The following LORICRIN variants were observed in gnomAD, a reference collection of about 807,000 sequenced individuals.
LORICRIN encodes loricrin cornified envelope precursor protein.
Under a neutral mutation model 3.3 loss-of-function variants are expected in LORICRIN, and 5 were observed. The ratio of observed to expected loss-of-function variants is 1.52; its 90% CI spans 0.79 to 3.19. LORICRIN has a LOEUF of 3.19. Among genes scored for constraint, LORICRIN ranks in the 30% most tolerant of loss-of-function variants. The probability of loss-of-function intolerance (pLI) is 0.00; values close to 1 mark genes in which losing one functional copy is unlikely to be tolerated. For missense variants in LORICRIN, 524 were observed against 460.2 expected, an observed-to-expected ratio of 1.14 and a Z score of -1.27; for synonymous variants, 237 against 231.4, an observed-to-expected ratio of 1.02 and a Z score of -0.22.
At position 153,262,111 on chromosome 1, in the gene LORICRIN, C is replaced by G. The variant is rs1227660555; in HGVS notation, c.*223C>G. 6 of 615,340 alleles carry G rather than the reference C, an allele frequency of 9.8e-6. No individual in the cohort carries two copies. The highest frequency in any genetic ancestry group is 1.8e-5 in the Non-Finnish European group (6 of 339,256). The allele number at this position is 615,340 out of a possible 1,614,324, so 38.1% of individuals were successfully genotyped here. A position where few individuals can be genotyped will look rare whatever the true frequency, so the allele number is the denominator to read the frequency against. ...CCCAGTGCCTCAGTCAATAAATTTG[C>G]AAATTCATGAGAATTTTTAGGTCTC... On this transcript the variant is annotated 3_prime_UTR_variant, in exon 2 of 2. Transcript: ENST00000368742.
In LORICRIN at chr1:153,260,908, C is replaced by A. The variant is rs546620484; in HGVS notation, c.-23-19C>A. ...TCCTCTTGCAGCTGGTCCAGCGATGCTCTCTTCTCCCCTTCCAGGCTCTCC... is the reference window on the plus strand; with the variant it reads ...TCCTCTTGCAGCTGGTCCAGCGATGATCTCTTCTCCCCTTCCAGGCTCTCC... On this transcript the variant is annotated intron_variant, in intron 1 of 1. Transcript: ENST00000368742. 1 of 1,514,302 alleles carries A rather than the reference C, an allele frequency of 6.6e-7. No homozygotes were observed. The highest frequency in any genetic ancestry group is 9.0e-7 in the Non-Finnish European group (1 of 1,106,976). 93.8% of individuals were successfully genotyped at this position (1,514,302 alleles called of 1,614,324 possible).
intron 1 of LORICRIN, among the ~76,000 whole-genome samples, chr1:153,260,074 C>T (rs1265118299): frequency 6.6e-6 from 1 of 152,116 alleles, no homozygotes; most frequent in South Asian, 2.1e-4. Context: ...ACCTTGTGAA[C>T]CTGTCAGGAG....
rs958535407 is a variant in LORICRIN, at chr1:153,261,394, G to T, written c.445G>T (p.Gly149Cys). The T allele has an allele frequency of 8.0e-6, 12 of 1,491,888 alleles. No individual in the cohort carries two copies. The Admixed American group carries it at 2.2e-4, about 27-fold the overall frequency. 92.4% of individuals were successfully genotyped at this position (1,491,888 alleles called of 1,614,324 possible). ...CTCCGGCTGCTTCTCCTCCGGCGGC[G>T]GCGGCTTCTCGGGCCAGGCGGTCCA... The part of the protein sequence containing the change: ...GGSGCFSSGG[G>C]GFSGQAVQCQ... Residue 149 changes from glycine (G) to cysteine (C), a missense_variant, in exon 2 of 2, where the codon GGC becomes TGC. Coordinates refer to ENST00000368742, the MANE Select transcript of LORICRIN (RefSeq NM_000427.3).
At chr1:153,260,534 T>C (rs1170255240) in intron 1 of LORICRIN, among the ~76,000 whole-genome samples, 1 of 152,178 alleles carries the variant, frequency 6.6e-6, no homozygotes, top group Non-Finnish European at 1.5e-5. Context: ...AGGTAGAGGT[T>C]TGTGGTAGTT....
chr1:153,261,009 T>TGGCGGCGGTGGCGGTGGCGGCGGC lies in LORICRIN; in HGVS notation c.61_84dup (p.Gly21_Gly28dup), dbSNP rs774064219. ...CCCCAGTGGACTGCGTGAAGACCTC[T>TGGCGGCGGTGGCGGTGGCGGCGGC]GGCGGCGGTGGCGGTGGCGGCGGCA... On this transcript the variant is annotated inframe_insertion, in exon 2 of 2. Transcript: ENST00000368742. 6.7e-6 allele frequency: 10 copies of TGGCGGCGGTGGCGGTGGCGGCGGC among 1,496,550 alleles called. No individual in the cohort carries two copies. The highest frequency in any genetic ancestry group is 8.2e-6 in the Non-Finnish European group (9 of 1,099,768). 92.7% of individuals were successfully genotyped at this position (1,496,550 alleles called of 1,614,324 possible). A position where few individuals can be genotyped will look rare whatever the true frequency, so the allele number is the denominator to read the frequency against.
intron 1 of LORICRIN, 57 bp from the exon 2 acceptor site, chr1:153,260,870 G>T: frequency 7.9e-7 from 1 of 1,267,886 alleles, no homozygotes. Flanking sequence ...GGATGCAGCT[G>T]CCTCCGTAAG....
At position 153,261,307 on chromosome 1, in the gene LORICRIN, G is replaced by A. The variant is rs1020727470; in HGVS notation, c.358G>A (p.Gly120Ser). ...CGGCTGCTTCTCCTCCGGTGGCGGC[G>A]GCTCCTCCGGGGGCGGCTCCGGCTG... ...GSGCFSSGGG[G>S]SSGGGSGCFS... Residue 120 changes from glycine (G) to serine (S), a missense_variant, in exon 2 of 2, where the codon GGC becomes AGC. Gly to Ser is a moderately conservative substitution (Grantham distance 56). Coordinates refer to ENST00000368742, the MANE Select transcript of LORICRIN (RefSeq NM_000427.3). 1.0e-5 allele frequency: 15 copies of A among 1,455,008 alleles called. No homozygotes were observed. In the Admixed American group the frequency reaches 3.1e-4, roughly 30 times the overall value. 90.1% of individuals were successfully genotyped at this position (1,455,008 alleles called of 1,614,324 possible).
Position 153,261,526 on chromosome 1 carries a change from G to A in LORICRIN, c.577G>A (p.Gly193Ser). The A allele has an allele frequency of 6.6e-7, 1 of 1,508,030 alleles. No individual in the cohort carries two copies. The highest frequency in any genetic ancestry group is 8.8e-7 in the Non-Finnish European group (1 of 1,133,824). 93.4% of individuals were successfully genotyped at this position (1,508,030 alleles called of 1,614,324 possible). Reference protein sequence around the residue: ...GGSVCGYSGGGSGCGGGSSGG... With the variant: ...GGSVCGYSGGSSGCGGGSSGG... ...CTCTGTCTGCGGCTACTCTGGCGGC[G>A]GCTCTGGCTGCGGCGGAGGCTCCTC... The change falls in exon 2 of 2, where the codon GGC (glycine) becomes AGC (serine). Residue 193 changes from glycine to serine, a missense_variant. Gly to Ser is a moderately conservative substitution (Grantham distance 56). Transcript: ENST00000368742.
At position 153,261,472 on chromosome 1, in the gene LORICRIN, G is replaced by C. The variant is rs1179107369; in HGVS notation, c.523G>C (p.Gly175Arg). The change falls in exon 2 of 2, where the codon GGC becomes CGC. Residue 175 changes from glycine (G) to arginine (R), a missense_variant. Gly to Arg is a moderately radical substitution (Grantham distance 125, BLOSUM62 -2). Coordinates refer to ENST00000368742, the MANE Select transcript of LORICRIN (RefSeq NM_000427.3). The stretch of plus-strand genomic sequence containing the variant: ...CGGCGGCTCCTCCGGGGGCGGCTCC[G>C]GCTGCTTCTCCAGCGGCGGGGGCGG... ...SSGGSSGGGS[G>R]CFSSGGGGGS... 1 of 1,493,784 alleles carries C rather than the reference G, an allele frequency of 6.7e-7. No homozygotes were observed. The highest frequency in any genetic ancestry group is 1.2e-5 in the South Asian group (1 of 80,574). 92.5% of individuals were successfully genotyped at this position (1,493,784 alleles called of 1,614,324 possible). A position where few individuals can be genotyped will look rare whatever the true frequency, so the allele number is the denominator to read the frequency against.
Position 153,261,173 on chromosome 1 carries a change from G to A in LORICRIN, c.224G>A (p.Gly75Asp). 7.5e-7 allele frequency: 1 copy of A among 1,338,134 alleles called. No individual in the cohort carries two copies. The allele number at this position is 1,338,134 out of a possible 1,614,324, so 82.9% of individuals were successfully genotyped here. A position where few individuals can be genotyped will look rare whatever the true frequency, so the allele number is the denominator to read the frequency against. ...GGGSSGGGGG[G>D]GIGGCGGGSG... is the part of the protein sequence containing the mutation. ...GGCTCCTCCGGCGGCGGGGGCGGGG[G>A]CGGCATTGGAGGCTGCGGAGGGGGC... Residue 75 changes from glycine (G) to aspartate (D), a missense_variant, in exon 2 of 2, where the codon GGC becomes GAC. Physicochemically the swap from Gly to Asp is moderately conservative, Grantham distance 94. Coordinates refer to ENST00000368742, the MANE Select transcript of LORICRIN (RefSeq NM_000427.3).
At position 153,262,054 on chromosome 1, in the gene LORICRIN, C is replaced by A; in HGVS notation, c.*166C>A. 3 of 794,898 alleles carry A rather than the reference C, an allele frequency of 3.8e-6. No homozygotes were observed. Among genetic ancestry groups the A allele is most frequent in the South Asian group, 1.6e-5 (1 of 61,648 alleles). The allele number at this position is 794,898 out of a possible 1,614,324, so 49.2% of individuals were successfully genotyped here. On this transcript the variant is annotated 3_prime_UTR_variant, in exon 2 of 2. Transcript: ENST00000368742. ...GGCTGCATCTAGTTCTGCTGTTTAGCCTCTTTGGTTTCTGTACAACTACCT... is the reference window on the plus strand; with the variant it reads ...GGCTGCATCTAGTTCTGCTGTTTAGACTCTTTGGTTTCTGTACAACTACCT...
chr1:153,261,719 C>A lies in LORICRIN; in HGVS notation c.770C>A (p.Ser257Tyr). The A allele has an allele frequency of 1.3e-6, 2 of 1,561,062 alleles. No homozygotes were observed. Among genetic ancestry groups the A allele is most frequent in the Middle Eastern group, 2.2e-4 (1 of 4,576 alleles). ...GGSSGCGGGS[S>Y]GIGSGCIISG... ...AGCTCCGGCTGCGGCGGCGGCTCCT[C>A]CGGGATTGGCAGCGGCTGCATCATC... The change falls in exon 2 of 2, where the codon TCC (serine) becomes TAC (tyrosine). Residue 257 changes from serine (S) to tyrosine (Y), a missense_variant. By Grantham distance (144) the Ser-to-Tyr change is moderately radical. Transcript: ENST00000368742.
rs1302787890 is a variant in LORICRIN, at chr1:153,261,069, C to T, written c.120C>T (p.Gly40=). Residue 40 remains glycine, a synonymous_variant, in exon 2 of 2, where the codon GGC becomes GGT. Coordinates refer to ENST00000368742, the MANE Select transcript of LORICRIN (RefSeq NM_000427.3). ...GTGGCTGCGGCTTCTTCGGCGGCGG[C>T]GGCTCAGGGGGCGGTAGCAGCGGTT... ...GGGGCGFFGG[G]GSGGGSSGSG... is the part of the protein sequence containing the mutation. 2.0e-6 allele frequency: 3 copies of T among 1,514,956 alleles called. No homozygotes were observed. The highest frequency in any genetic ancestry group is 2.7e-6 in the Non-Finnish European group (3 of 1,127,380). 93.8% of individuals were successfully genotyped at this position (1,514,956 alleles called of 1,614,324 possible).
rs1415621520 is a variant in LORICRIN, at chr1:153,261,651, C to CAGCGGCGGA, written c.709_717dup (p.Gly237_Gly239dup). ...GAGGGGGGTCGTCCGGCGGCGGCGG[C>CAGCGGCGGA]AGCGGCGGAAGCGGCTGCTTCTCCA... On this transcript the variant is annotated inframe_insertion, in exon 2 of 2. Transcript: ENST00000368742. The CAGCGGCGGA allele has an allele frequency of 8.0e-5, 122 of 1,517,152 alleles. 1 individual carries two copies. Among genetic ancestry groups the CAGCGGCGGA allele is most frequent in the Non-Finnish European group, 9.9e-5 (113 of 1,140,620 alleles). The allele number at this position is 1,517,152 out of a possible 1,614,324, so 94.0% of individuals were successfully genotyped here. A position where few individuals can be genotyped will look rare whatever the true frequency, so the allele number is the denominator to read the frequency against.
Position 153,261,130 on chromosome 1 carries a change from G to A in LORICRIN, c.181G>A (p.Gly61Ser), listed in dbSNP as rs1225794269. 6 of 1,357,988 alleles carry A rather than the reference G, an allele frequency of 4.4e-6. No homozygotes were observed. The Admixed American group carries it at 1.2e-4, about 27-fold the overall frequency. The allele number at this position is 1,357,988 out of a possible 1,614,324, so 84.1% of individuals were successfully genotyped here. ...CGYSGGGGYS[G>S]GGCGGGSSGG... Reference sequence around the variant, plus strand: ...CTACTCCGGCGGCGGTGGCTACTCTGGCGGCGGCTGCGGCGGGGGCTCCTC... The same window carrying A: ...CTACTCCGGCGGCGGTGGCTACTCTAGCGGCGGCTGCGGCGGGGGCTCCTC... The change falls in exon 2 of 2, where the codon GGC becomes AGC. Residue 61 changes from glycine (G) to serine (S), a missense_variant. Physicochemically the swap from Gly to Ser is moderately conservative, Grantham distance 56. Coordinates refer to ENST00000368742, the MANE Select transcript of LORICRIN (RefSeq NM_000427.3).
In LORICRIN at chr1:153,261,716, C is replaced by T. The variant is rs1383236471; in HGVS notation, c.767C>T (p.Ser256Phe). 4 of 1,554,288 alleles carry T rather than the reference C, an allele frequency of 2.6e-6. No homozygotes were observed. The African/African-American group carries it at 4.2e-5, about 16-fold the overall frequency. The change falls in exon 2 of 2, where the codon TCC (serine) becomes TTC (phenylalanine). Residue 256 changes from serine (S) to phenylalanine (F), a missense_variant. Transcript: ENST00000368742. Reference protein sequence around the residue: ...GGGSSGCGGGSSGIGSGCIIS... With the variant: ...GGGSSGCGGGFSGIGSGCIIS... The stretch of plus-strand genomic sequence containing the variant: ...GGGAGCTCCGGCTGCGGCGGCGGCT[C>T]CTCCGGGATTGGCAGCGGCTGCATC...
At position 153,261,221 on chromosome 1, in the gene LORICRIN, C is replaced by A; in HGVS notation, c.272C>A (p.Ser91Tyr). Residue 91 changes from serine to tyrosine, a missense_variant, in exon 2 of 2, where the codon TCC (serine) becomes TAC (tyrosine). By Grantham distance (144) the Ser-to-Tyr change is moderately radical. Transcript: ENST00000368742. ...GGCTCCGGTGGGAGCGTCAAGTACT[C>A]CGGAGGCGGCGGCTCCTCCGGCGGG... ...GGGSGGSVKY[S>Y]GGGGSSGGGS... 7.4e-7 allele frequency: 1 copy of A among 1,359,422 alleles called. No homozygotes were observed. The highest frequency in any genetic ancestry group is 9.4e-7 in the Non-Finnish European group (1 of 1,063,016). 84.2% of individuals were successfully genotyped at this position (1,359,422 alleles called of 1,614,324 possible). A position where few individuals can be genotyped will look rare whatever the true frequency, so the allele number is the denominator to read the frequency against.
Position 153,261,391 on chromosome 1 carries a change from G to A in LORICRIN, c.442G>A (p.Gly148Ser). 1 of 1,491,748 alleles carries A rather than the reference G, an allele frequency of 6.7e-7. No homozygotes were observed. The highest frequency in any genetic ancestry group is 8.9e-7 in the Non-Finnish European group (1 of 1,128,508). The allele number at this position is 1,491,748 out of a possible 1,614,324, so 92.4% of individuals were successfully genotyped here. Reference sequence around the variant, plus strand: ...CGGCTCCGGCTGCTTCTCCTCCGGCGGCGGCGGCTTCTCGGGCCAGGCGGT... The same window carrying A: ...CGGCTCCGGCTGCTTCTCCTCCGGCAGCGGCGGCTTCTCGGGCCAGGCGGT... ...GGGSGCFSSG[G>S]GGFSGQAVQC... Residue 148 changes from glycine (G) to serine (S), a missense_variant, in exon 2 of 2, where the codon GGC becomes AGC. By Grantham distance (56) the Gly-to-Ser change is moderately conservative. Coordinates refer to ENST00000368742, the MANE Select transcript of LORICRIN (RefSeq NM_000427.3).
rs777481557 is a variant in LORICRIN, at chr1:153,261,344, G to A, written c.395G>A (p.Gly132Asp). Residue 132 changes from glycine to aspartate, a missense_variant, in exon 2 of 2, where the codon GGT becomes GAT. Coordinates refer to ENST00000368742, the MANE Select transcript of LORICRIN (RefSeq NM_000427.3). ...GGCGGCTCCGGCTGCTTCTCCAGCG[G>A]TGGGGGCGGCTCCTCCGGGGGCGGC... Reference protein sequence around the residue: ...SGGGSGCFSSGGGGSSGGGSG... With the variant: ...SGGGSGCFSSDGGGSSGGGSG... The A allele has an allele frequency of 1.4e-6, 2 of 1,480,912 alleles. No individual in the cohort carries two copies. Among genetic ancestry groups the A allele is most frequent in the African/African-American group, 1.5e-5 (1 of 67,064 alleles). 91.7% of individuals were successfully genotyped at this position (1,480,912 alleles called of 1,614,324 possible).
Sources: gnomAD v4.1 joint callset for allele counts (sites outside exome capture counted in the v4.1 genomes callset) on GRCh38, gnomAD v4.1.1 for gene constraint, MANE v1.5 for transcripts, NCBI Gene and HGNC (gene_info 2026-07-23, HGNC 2026-07-21) for gene names.